The following MOSMO variants were observed in gnomAD, a reference collection of about 807,000 sequenced individuals.
The protein encoded by MOSMO is modulator of smoothened.
Under a neutral mutation model 18.4 loss-of-function variants are expected in MOSMO, and 5 were observed. The ratio of observed to expected loss-of-function variants is 0.27; its 90% CI spans 0.14 to 0.57. The LOEUF (loss-of-function observed/expected upper bound fraction) is 0.57, where lower values mean the gene tolerates loss of function less well. Ranked by LOEUF, MOSMO falls within the 20% of genes least tolerant of loss-of-function variation. The pLI is 0.92. For missense variants in MOSMO, 138 were observed against 211.8 expected, an observed-to-expected ratio of 0.65 and a Z score of 2.16; for synonymous variants, 82 against 82.3, an observed-to-expected ratio of 1.00 and a Z score of 0.02.
intron 1 of MOSMO, among the ~76,000 whole-genome samples, chr16:22,016,245 A>G (rs1899633830): frequency 6.6e-6 from 1 of 152,168 alleles, no homozygotes; most frequent in Non-Finnish European, 1.5e-5. Flanking sequence ...TAAAATGGAG[A>G]CAATACATTT....
intron 2 of MOSMO, chr16:22,075,999 CT>C: frequency 3.3e-6 from 1 of 298,538 alleles, no homozygotes. Context: ...TAGCCTGAGT[CT>C]TTTCCTCTTC....
intron 1 of MOSMO, among the ~76,000 whole-genome samples, chr16:22,067,889 G>GA (rs71151660): frequency 2.3e-3 from 309 of 132,884 alleles, no homozygotes; most frequent in Non-Finnish European, 3.7e-3. Context: ...TAAAAAGAAA[G>GA]AAAAAAAAAA....
At chr16:22,044,185 G>A (rs1195983884) in intron 1 of MOSMO, among the ~76,000 whole-genome samples, 1 of 152,120 alleles carries the variant, frequency 6.6e-6, no homozygotes, top group Admixed American at 6.5e-5. Flanking sequence ...TTTGGGTGGG[G>A]ATAGAGCCAA....
chr16:22,027,090 T>G (rs1232846396), intron 1 of MOSMO, among the ~76,000 whole-genome samples: 3 of 152,226 alleles, frequency 2.0e-5, no homozygotes. Context: ...GATTTCAATA[T>G]AATTTTAAAA....
intron 1 of MOSMO, among the ~76,000 whole-genome samples, chr16:22,046,752 C>T (rs1056575966): frequency 6.6e-6 from 1 of 152,128 alleles, no homozygotes; most frequent in African/African-American, 2.4e-5. Context: ...AGAACTGAGA[C>T]AACAGAGCAT....
chr16:22,049,362 A>G (rs1900379061), intron 1 of MOSMO, among the ~76,000 whole-genome samples: 1 of 152,152 alleles, frequency 6.6e-6, no homozygotes, highest in Non-Finnish European at 1.5e-5. Flanking sequence ...ATGCGCCACC[A>G]TGCCTAGCTA....
intron 1 of MOSMO, among the ~76,000 whole-genome samples, chr16:22,046,838 G>T (rs767183225): frequency 2.0e-5 from 3 of 152,126 alleles, no homozygotes; most frequent in African/African-American, 7.2e-5. Flanking sequence ...CGTGGATTAC[G>T]TCCTCAGATG....
intron 1 of MOSMO, among the ~76,000 whole-genome samples, chr16:22,060,464 C>T (rs544220263): frequency 6.6e-6 from 1 of 152,312 alleles, no homozygotes; most frequent in Admixed American, 6.5e-5. Context: ...TAAGAGACCT[C>T]TACATGCCTA....
intron 1 of MOSMO, among the ~76,000 whole-genome samples, chr16:22,030,314 T>C (rs1899967261): frequency 6.6e-6 from 1 of 152,146 alleles, no homozygotes. Flanking sequence ...TCAAATACAG[T>C]CAACGTATTT....
chr16:22,049,317 C>T (rs1439383385), intron 1 of MOSMO, among the ~76,000 whole-genome samples: 1 of 152,204 alleles, frequency 6.6e-6, no homozygotes, highest in Non-Finnish European at 1.5e-5. Context: ...CTTCTTGCCT[C>T]AGCCTTCTGA....
At chr16:22,050,479 C>T (rs1053469829) in intron 1 of MOSMO, among the ~76,000 whole-genome samples, 5 of 152,142 alleles carry the variant, frequency 3.3e-5, no homozygotes, top group Non-Finnish European at 7.4e-5. Flanking sequence ...TGTTGATTAT[C>T]ACAGCTGTTA....
chr16:22,075,343 G>A (rs756752933), intron 1 of MOSMO, 144 bp from the exon 2 acceptor site: 4 of 715,252 alleles, frequency 5.6e-6, no homozygotes, highest in Non-Finnish European at 1.0e-5. Flanking sequence ...AACTACAGCA[G>A]ATGCTGAAGA....
chr16:22,074,136 C>T (rs574841007), intron 1 of MOSMO, among the ~76,000 whole-genome samples: 1 of 152,336 alleles, frequency 6.6e-6, no homozygotes, highest in African/African-American at 2.4e-5. Context: ...ACAAGTCCAG[C>T]CCTGCTCTGT....
intron 1 of MOSMO, among the ~76,000 whole-genome samples, chr16:22,066,570 T>C (rs1215382137): frequency 6.6e-6 from 1 of 152,150 alleles, no homozygotes; most frequent in African/African-American, 2.4e-5. Flanking sequence ...GCAGCATTGA[T>C]GATGTGCCAC....
chr16:22,018,245 A>G (rs1899681076), intron 1 of MOSMO, among the ~76,000 whole-genome samples: 1 of 152,206 alleles, frequency 6.6e-6, no homozygotes, highest in South Asian at 2.1e-4. Flanking sequence ...AAAAAAATGC[A>G]GTTGGGTGGG....
intron 2 of MOSMO, chr16:22,076,201 T>C (rs1456138889): frequency 1.2e-5 from 2 of 165,498 alleles, no homozygotes; most frequent in Admixed American, 1.1e-4. Context: ...TCCATTAAGC[T>C]CTGCCCAAGG....
chr16:22,008,223 C>G lies in MOSMO; in HGVS notation c.-79C>G, dbSNP rs1268884037. On this transcript the variant is annotated 5_prime_UTR_variant, in exon 1 of 3. Transcript: ENST00000542527. ...GCAGCGGCGCGGGGACTCCGGGCCC[C>G]GGCGGCGGCCCATGGGGCGGGAGGC... The G allele has an allele frequency of 1.3e-5, 10 of 745,566 alleles. No individual in the cohort carries two copies. The South Asian group carries it at 2.6e-4, about 19-fold the overall frequency. The allele number at this position is 745,566 out of a possible 1,614,324, so 46.2% of individuals were successfully genotyped here. A position where few individuals can be genotyped will look rare whatever the true frequency, so the allele number is the denominator to read the frequency against.
chr16:22,024,452 C>T (rs974126804), intron 1 of MOSMO, among the ~76,000 whole-genome samples: 3 of 151,490 alleles, frequency 2.0e-5, no homozygotes, highest in South Asian at 4.2e-4. Flanking sequence ...GCCACCTCCA[C>T]CTCCAGGGTT....
In MOSMO at chr16:22,008,330, GTC is replaced by G; in HGVS notation, c.33_34del (p.Phe12SerfsTer113). 1.3e-6 allele frequency: 2 copies of G among 1,533,402 alleles called. No homozygotes were observed. The highest frequency in any genetic ancestry group is 1.7e-6 in the Non-Finnish European group (2 of 1,145,778). 95.0% of individuals were successfully genotyped at this position (1,533,402 alleles called of 1,614,324 possible). A position where few individuals can be genotyped will look rare whatever the true frequency, so the allele number is the denominator to read the frequency against. ...GATAAACTGACCATCATCTCAGGAT[GTC>G]TCTTTCTGGCCGCCGATATCTTCGC... On this transcript the variant is annotated frameshift_variant, in exon 1 of 3. Transcript: ENST00000542527. LOFTEE classifies it high-confidence loss of function.
Sources: gnomAD v4.1 joint callset for allele counts (sites outside exome capture counted in the v4.1 genomes callset) on GRCh38, gnomAD v4.1.1 for gene constraint, MANE v1.5 for transcripts, NCBI Gene and HGNC (gene_info 2026-07-23, HGNC 2026-07-21) for gene names.